The following LRP1B variants were observed in gnomAD, a reference collection of about 807,000 sequenced individuals.
LRP1B encodes LDL receptor related protein 1B.
A neutral mutation model predicts 556.6 loss-of-function variants in LRP1B; 217 were observed. The ratio of observed to expected loss-of-function variants is 0.39; its 90% CI spans 0.35 to 0.44. LRP1B has a LOEUF of 0.44. Among genes scored for constraint, LRP1B ranks in the 20% least tolerant of loss-of-function variants. LRP1B has a pLI of 1.00. For missense variants in LRP1B, 5,053 were observed against 5,620.8 expected (o/e 0.90, Z 3.23); for synonymous variants, 2,047 against 1,865.8 (o/e 1.10, Z -2.50).
intron 1 of LRP1B, among the ~76,000 whole-genome samples, chr2:142,117,490 G>A (rs1707314134): frequency 6.6e-6 from 1 of 152,048 alleles, no homozygotes; most frequent in African/African-American, 2.4e-5. Context: ...ACCCAGTCCA[G>A]CCTTCTACTG....
intron 20 of LRP1B, among the ~76,000 whole-genome samples, chr2:140,932,927 G>GTATATA (rs1254997940): frequency 1.2e-4 from 9 of 72,394 alleles, no homozygotes; most frequent in Admixed American, 4.5e-4. Flanking sequence ...ATATATATGT[G>GTATATA]TATATATATA....
intron 2 of LRP1B, among the ~76,000 whole-genome samples, chr2:141,628,039 A>G (rs987220047): frequency 6.6e-6 from 1 of 152,222 alleles, no homozygotes; most frequent in African/African-American, 2.4e-5. Context: ...TGAAGATTCA[A>G]AGATAATCCA....
intron 1 of LRP1B, among the ~76,000 whole-genome samples, chr2:142,083,178 G>A (rs961065887): frequency 1.3e-5 from 2 of 152,120 alleles, no homozygotes; most frequent in Admixed American, 1.3e-4. Flanking sequence ...AAGTTTCTGG[G>A]GGCACAAATG....
intron 32 of LRP1B, among the ~76,000 whole-genome samples, chr2:140,798,608 T>C (rs10928074): frequency 0.45 from 68,387 of 152,042 alleles, 17,184 homozygotes; most frequent in East Asian, 0.66. Flanking sequence ...CCAGCACTAT[T>C]GGCATTTTAC....
At chr2:141,292,214 G>T (rs948438637) in intron 3 of LRP1B, among the ~76,000 whole-genome samples, 27 of 152,112 alleles carry the variant, frequency 1.8e-4, no homozygotes, top group African/African-American at 6.5e-4. Context: ...AGGTGGAACA[G>T]CTTCATCCTA....
At chr2:141,782,909 G>A (rs977581644) in intron 2 of LRP1B, among the ~76,000 whole-genome samples, 8 of 151,984 alleles carry the variant, frequency 5.3e-5, no homozygotes, top group Admixed American at 5.3e-4. Context: ...TTCTTTTAGG[G>A]AGGATGTAAA....
rs149734022 is a variant in LRP1B at position 140,993,738 on chromosome 2, T to C, written c.2644+257A>G. 3.4e-3 allele frequency among the ~76,000 whole-genome samples: 521 copies of C among 152,088 alleles called. 4 individuals carry two copies. Among genetic ancestry groups the C allele is most frequent in the African/African-American group, 0.012 (502 of 41,512 alleles). The stretch of plus-strand genomic sequence containing the variant: ...CAGTGGCATGGTGGCGCTGATATCA[T>C]GGAATGTAAAAGGAGAAATTCTTAG... On this transcript the variant is annotated intron_variant, in intron 16 of 90. Coordinates refer to ENST00000389484, the MANE Select transcript of LRP1B (RefSeq NM_018557.3).
At chr2:140,370,883 T>C (rs763526461) in intron 70 of LRP1B, 41 bp from the exon 71 acceptor site, 3 of 1,602,312 alleles carry the variant, frequency 1.9e-6, no homozygotes, top group South Asian at 2.2e-5. Flanking sequence ...TCATTAATGA[T>C]AATGATACAA....
At chr2:141,708,409 T>C (rs1459924843) in intron 2 of LRP1B, among the ~76,000 whole-genome samples, 1 of 151,958 alleles carries the variant, frequency 6.6e-6, no homozygotes, top group Non-Finnish European at 1.5e-5. Flanking sequence ...TTTTTCCCTT[T>C]AGGAATAGGA....
At chr2:141,283,459 A>G (rs1394165428) in intron 3 of LRP1B, among the ~76,000 whole-genome samples, 1 of 152,056 alleles carries the variant, frequency 6.6e-6, no homozygotes, top group Non-Finnish European at 1.5e-5. Flanking sequence ...GGGAAAGGCT[A>G]CAGAAGCTCA....
At chr2:141,075,751 G>A (rs1444267341) in intron 7 of LRP1B, among the ~76,000 whole-genome samples, 6 of 152,206 alleles carry the variant, frequency 3.9e-5, no homozygotes, top group African/African-American at 9.7e-5. Flanking sequence ...CCACGAAGTT[G>A]TGGACTGCTG....
At chr2:140,969,828 T>C (rs970219083) in intron 18 of LRP1B, among the ~76,000 whole-genome samples, 6 of 152,284 alleles carry the variant, frequency 3.9e-5, no homozygotes, top group Non-Finnish European at 8.8e-5. Flanking sequence ...AAAATTCTTT[T>C]AAGAATGTTG....
chr2:140,895,429 G>A (rs986957102), intron 23 of LRP1B, among the ~76,000 whole-genome samples: 13 of 152,260 alleles, frequency 8.5e-5, no homozygotes, highest in African/African-American at 1.2e-4. Flanking sequence ...CTCAGCCTGC[G>A]GCTCTCAACC....
At chr2:140,289,041 T>C (rs992268557) in intron 84 of LRP1B, among the ~76,000 whole-genome samples, 26 of 152,100 alleles carry the variant, frequency 1.7e-4, no homozygotes, top group African/African-American at 6.0e-4. Context: ...AAGTTCCTGC[T>C]ATGATGCCAA....
At chr2:142,064,133 T>C (rs543777423) in intron 1 of LRP1B, among the ~76,000 whole-genome samples, 2 of 151,738 alleles carry the variant, frequency 1.3e-5, no homozygotes, top group East Asian at 1.9e-4. Context: ...ATTTGATTCA[T>C]TGGAATTTTA....
chr2:141,919,159 T>C (rs967892853), intron 1 of LRP1B, among the ~76,000 whole-genome samples: 2 of 152,220 alleles, frequency 1.3e-5, no homozygotes, highest in African/African-American at 4.8e-5. Flanking sequence ...GGAATACTTA[T>C]ATATATGTGC....
chr2:142,030,425 T>C (rs1191478015), intron 1 of LRP1B, among the ~76,000 whole-genome samples: 1 of 151,974 alleles, frequency 6.6e-6, no homozygotes, highest in Non-Finnish European at 1.5e-5. Flanking sequence ...ATTTTCATCC[T>C]TGGCTCATTA....
chr2:140,455,321 C>G (rs528997345), intron 62 of LRP1B, among the ~76,000 whole-genome samples: 110 of 152,278 alleles, frequency 7.2e-4, no homozygotes, highest in African/African-American at 2.2e-3. Flanking sequence ...GGGCAGCTCA[C>G]ACTAATTATA....
In LRP1B at chr2:140,424,681, G is replaced by C. The variant is rs571441339; in HGVS notation, c.10414+17823C>G. Among the ~76,000 whole-genome samples, 3 of 152,278 alleles carry C rather than the reference G, an allele frequency of 2.0e-5. No homozygotes were observed. The East Asian group carries it at 5.8e-4, about 29-fold the overall frequency. On this transcript the variant is annotated intron_variant, in intron 66 of 90. Transcript: ENST00000389484. The stretch of plus-strand genomic sequence containing the variant: ...ATTGAAGAAGACAATGTTTTCAAAA[G>C]TGTATCATGCATGACACAGATGGTA...
Sources: gnomAD v4.1 joint callset for allele counts (sites outside exome capture counted in the v4.1 genomes callset) on GRCh38, gnomAD v4.1.1 for gene constraint, MANE v1.5 for transcripts, NCBI Gene and HGNC (gene_info 2026-07-23, HGNC 2026-07-21) for gene names.